MAP3K15: variants seen among roughly 807,000 people sequenced by gnomAD.
The protein encoded by MAP3K15 is MAPK/ERK kinase kinase 15.
A neutral mutation model predicts 99.5 loss-of-function variants in MAP3K15; 124 were observed. The ratio of observed to expected loss-of-function variants is 1.25; its 90% CI spans 1.08 to 1.45. MAP3K15 has a LOEUF of 1.45. MAP3K15 is among the 40% of genes most tolerant of loss of function. MAP3K15 has a pLI of 0.00. For synonymous variants in MAP3K15, 494 were observed against 439.6 expected, an observed-to-expected ratio of 1.12 and a Z score of -1.55; for missense variants, 1,242 against 1,079.7, an observed-to-expected ratio of 1.15 and a Z score of -2.11.
At chrX:19,463,027 A>C (rs1224238772) in intron 4 of MAP3K15, among the ~76,000 whole-genome samples, 1 of 112,367 alleles carries the variant, frequency 8.9e-6, no homozygotes, top group Non-Finnish European at 1.9e-5. Flanking sequence ...AGATCTAGCC[A>C]GTCTACCTCC....
At chrX:19,509,252 A>G (rs1489625539) in intron 1 of MAP3K15, among the ~76,000 whole-genome samples, 1 of 111,928 alleles carries the variant, frequency 8.9e-6, no homozygotes, top group Non-Finnish European at 1.9e-5. Flanking sequence ...CAGACCTGAT[A>G]GATATCTACA....
chrX:19,404,743 C>G (rs761919647), intron 13 of MAP3K15, among the ~76,000 whole-genome samples: 1 of 111,760 alleles, frequency 8.9e-6, no homozygotes, highest in Admixed American at 9.5e-5. Context: ...CAAGACCACT[C>G]AATCAGGGAA....
rs1167500197 is a variant in MAP3K15 at position 19,460,136 on chromosome X, G to C, written c.737C>G (p.Thr246Ser). The C allele has an allele frequency of 8.4e-7, 1 of 1,187,619 alleles. No homozygotes were observed. Among genetic ancestry groups the C allele is most frequent in the Admixed American group, 2.3e-5 (1 of 44,088 alleles). ...HVTSCVYYKE[T>S]LLNDIRKARE... ...GGCTTTCCGGATGTCATTTAACAAG[G>C]TTTCTTTGTAATAAACACTATAGAA... Residue 246 changes from threonine to serine, a missense_variant, in exon 5 of 29, where the codon ACC becomes AGC. Coordinates refer to ENST00000338883, the MANE Select transcript of MAP3K15 (RefSeq NM_001001671.4).
intron 1 of MAP3K15, among the ~76,000 whole-genome samples, chrX:19,491,519 G>A (rs1013578472): frequency 9.1e-6 from 1 of 109,462 alleles, no homozygotes; most frequent in South Asian, 4.1e-4. Context: ...AAAGAGCGGT[G>A]CATTAACAGA....
At position 19,360,897 on chromosome X, in the gene MAP3K15, G is replaced by C. The variant is rs896481400; in HGVS notation, c.3858-64C>G. ...CAAGCCAACAGAGCTTAAAACTGCA[G>C]TCCCTAATTTAAAAACCTAATGAAA... On this transcript the variant is annotated intron_variant, in intron 28 of 28. Coordinates refer to ENST00000338883, the MANE Select transcript of MAP3K15 (RefSeq NM_001001671.4). 11 of 842,310 alleles carry C rather than the reference G, an allele frequency of 1.3e-5. No homozygotes were observed. In the African/African-American group the frequency reaches 2.3e-4, roughly 17 times the overall value. The allele number at this position is 842,310 out of a possible 1,213,427, so 69.4% of individuals were successfully genotyped here.
chrX:19,432,508 T>C (rs368484838), intron 6 of MAP3K15, among the ~76,000 whole-genome samples: 13 of 105,446 alleles, frequency 1.2e-4, no homozygotes, highest in East Asian at 1.2e-3. Flanking sequence ...TGAGCCGAGA[T>C]TGTGCCACTG....
chrX:19,424,104 A>G (rs1170303542), intron 9 of MAP3K15, among the ~76,000 whole-genome samples: 1 of 109,961 alleles, frequency 9.1e-6, no homozygotes, highest in African/African-American at 3.3e-5. Flanking sequence ...GCTGATTTTA[A>G]TCTGTATCCT....
At position 19,362,762 on chromosome X, in the gene MAP3K15, G is replaced by T; in HGVS notation, c.3655C>A (p.Leu1219Ile). Residue 1219 changes from leucine to isoleucine, a missense_variant, in exon 26 of 29, where the codon CTT (leucine) becomes ATT (isoleucine). Physicochemically the swap from Leu to Ile is conservative, Grantham distance 5. Coordinates refer to ENST00000338883, the MANE Select transcript of MAP3K15 (RefSeq NM_001001671.4). ...LEQKTQELYHLQLKLKSNCIT... is the reference protein window; with the variant it reads ...LEQKTQELYHIQLKLKSNCIT... ...CAATTCGATTTTAATTTTAACTGAA[G>T]GTGATACAATTCTTGAGTTTTCTGT... 1 of 1,176,820 alleles carries T rather than the reference G, an allele frequency of 8.5e-7. No homozygotes were observed. Among genetic ancestry groups the T allele is most frequent in the Non-Finnish European group, 1.2e-6 (1 of 867,995 alleles).
intron 4 of MAP3K15, among the ~76,000 whole-genome samples, chrX:19,461,909 C>T (rs960780458): frequency 1.8e-5 from 2 of 109,901 alleles, no homozygotes; most frequent in African/African-American, 3.3e-5. Flanking sequence ...GAGAATCGCT[C>T]GAACCCGGGA....
At chrX:19,365,625 G>C (rs1417175287) in intron 25 of MAP3K15, among the ~76,000 whole-genome samples, 2 of 112,429 alleles carry the variant, frequency 1.8e-5, no homozygotes, top group East Asian at 5.6e-4. Flanking sequence ...CTAGTACATG[G>C]GATTTGTTTC....
At chrX:19,449,595 T>C (rs1208084219) in intron 6 of MAP3K15, among the ~76,000 whole-genome samples, 1 of 108,782 alleles carries the variant, frequency 9.2e-6, no homozygotes, top group Non-Finnish European at 1.9e-5. Context: ...TTACTATACA[T>C]AGGACAGCCC....
chrX:19,444,344 G>A (rs1321512971), intron 6 of MAP3K15, among the ~76,000 whole-genome samples: 3 of 111,177 alleles, frequency 2.7e-5, no homozygotes, highest in Middle Eastern at 4.3e-3. Context: ...AGCCAAGATC[G>A]CCATCTGTTC....
chrX:19,491,903 C>A (rs1346254857), intron 1 of MAP3K15, among the ~76,000 whole-genome samples: 2 of 109,180 alleles, frequency 1.8e-5, no homozygotes, highest in East Asian at 5.8e-4. Context: ...CCAGGCTGGT[C>A]TCAAACTCCT....
At position 19,464,314 on chromosome X, in the gene MAP3K15, G is replaced by A. The variant is rs1014898916; in HGVS notation, c.618C>T (p.Ser206=). The A allele has an allele frequency of 1.1e-5, 13 of 1,196,999 alleles. No homozygotes were observed. In the Admixed American group the frequency reaches 1.5e-4, roughly 14 times the overall value. ...CCESDAQRRA[S]EYMQPNWDNI... is the part of the protein sequence containing the mutation. Reference sequence around the variant, plus strand: ...TGTCCCAGTTGGGCTGCATGTACTCGGAGGCTCGTCTCTGGGCATCACTCT... The same window carrying A: ...TGTCCCAGTTGGGCTGCATGTACTCAGAGGCTCGTCTCTGGGCATCACTCT... Residue 206 remains serine (S), a synonymous_variant, in exon 4 of 29, where the codon TCC becomes TCT. Transcript: ENST00000338883.
intron 25 of MAP3K15, among the ~76,000 whole-genome samples, chrX:19,364,785 T>C (rs1224461739): frequency 1.9e-5 from 2 of 105,429 alleles, no homozygotes; most frequent in African/African-American, 7.1e-5. Context: ...CCGAGTTACT[T>C]GGGAGGCTGA....
In MAP3K15 at chrX:19,429,344, T is replaced by C. The variant is rs140912117; in HGVS notation, c.1166+2094A>G. The stretch of plus-strand genomic sequence containing the variant: ...AAGTTAAAAAGAAAATGGCAGTGAC[T>C]GGGGGCAGTGGTGATGGGAAAGGAC... On this transcript the variant is annotated intron_variant, in intron 7 of 28. Coordinates refer to ENST00000338883, the MANE Select transcript of MAP3K15 (RefSeq NM_001001671.4). Among the ~76,000 whole-genome samples the C allele has an allele frequency of 5.7e-3, 632 of 110,312 alleles. 7 individuals carry two copies. Among genetic ancestry groups the C allele is most frequent in the African/African-American group, 0.019 (590 of 30,417 alleles).
chrX:19,463,765 A>C (rs954913610), intron 4 of MAP3K15, among the ~76,000 whole-genome samples: 21 of 111,429 alleles, frequency 1.9e-4, no homozygotes, highest in Admixed American at 6.7e-4. Flanking sequence ...CAACGCACGA[A>C]GGCTTTTAAA....
At chrX:19,503,241 G>A (rs1257282772) in intron 1 of MAP3K15, among the ~76,000 whole-genome samples, 1 of 111,602 alleles carries the variant, frequency 9.0e-6, no homozygotes, top group Admixed American at 9.6e-5. Flanking sequence ...TCGCTCCTAT[G>A]CTCTGCTAGA....
intron 20 of MAP3K15, among the ~76,000 whole-genome samples, 199 bp from the exon 21 acceptor site, chrX:19,373,894 G>C (rs1259952077): frequency 9.0e-6 from 1 of 111,351 alleles, no homozygotes; most frequent in Admixed American, 9.6e-5. Context: ...CATGGAGCAA[G>C]TTGCTGAGCC....
Sources: gnomAD v4.1 joint callset for allele counts (sites outside exome capture counted in the v4.1 genomes callset) on GRCh38, gnomAD v4.1.1 for gene constraint, MANE v1.5 for transcripts, NCBI Gene and HGNC (gene_info 2026-07-23, HGNC 2026-07-21) for gene names.